CACNA1B: variants seen among roughly 807,000 people sequenced by gnomAD.
CACNA1B encodes calcium voltage-gated channel subunit alpha1 B.
Under a neutral mutation model 247.2 loss-of-function variants are expected in CACNA1B, and 70 were observed. That is an observed-to-expected ratio of 0.28 (90% confidence interval 0.23 to 0.35). The LOEUF (loss-of-function observed/expected upper bound fraction) is 0.35, where lower values mean the gene tolerates loss of function less well. Ranked by LOEUF, CACNA1B falls within the 10% of genes least tolerant of loss-of-function variation. The probability of loss-of-function intolerance (pLI) is 1.00; values close to 1 mark genes in which losing one functional copy is unlikely to be tolerated. For missense variants in CACNA1B, 2,367 were observed against 3,197.4 expected, an observed-to-expected ratio of 0.74 and a Z score of 6.26; for synonymous variants, 1,231 against 1,294.4, an observed-to-expected ratio of 0.95 and a Z score of 1.05.
At position 137,913,156 on chromosome 9, in the gene CACNA1B, CCTT is replaced by C. The variant is rs1316460270; in HGVS notation, c.531-18_531-16del. 2.5e-6 allele frequency: 4 copies of C among 1,600,262 alleles called. No individual in the cohort carries two copies. The highest frequency in any genetic ancestry group is 2.2e-5 in the East Asian group (1 of 44,800). ...GGCTCAATGTGGAAACCTTTACTTCCCTTCTTCTCCTTGTTTCTGCCAGGATCC... is the reference window on the plus strand; with the variant it reads ...GGCTCAATGTGGAAACCTTTACTTCCCTTCTCCTTGTTTCTGCCAGGATCC... On this transcript the variant is annotated intron_variant, in intron 3 of 46. Transcript: ENST00000371372. This position sits in a 1 kb window ranked among gnomAD's most constrained non-coding sequence, Gnocchi z 5.2.
chr9:138,056,477 G>A (rs1959503217), intron 26 of CACNA1B, among the ~76,000 whole-genome samples: 1 of 152,192 alleles, frequency 6.6e-6, no homozygotes, highest in African/African-American at 2.4e-5. Context: ...TTCATTTGCT[G>A]ATGAACATTG....
intron 13 of CACNA1B, among the ~76,000 whole-genome samples, chr9:137,985,675 G>A (rs147870536): frequency 6.6e-6 from 1 of 152,332 alleles, no homozygotes; most frequent in Non-Finnish European, 1.5e-5. Flanking sequence ...ACCAGTGTCT[G>A]TCTTGCAGTC....
intron 26 of CACNA1B, among the ~76,000 whole-genome samples, chr9:138,055,851 C>G (rs543883116): frequency 6.6e-6 from 1 of 152,016 alleles, no homozygotes; most frequent in South Asian, 2.1e-4. Flanking sequence ...ATAGTGAAAC[C>G]CTGTCTCTAC....
chr9:137,889,067 C>T (rs1369211959), intron 3 of CACNA1B, among the ~76,000 whole-genome samples: 1 of 150,440 alleles, frequency 6.6e-6, no homozygotes, highest in Non-Finnish European at 1.5e-5. Context: ...GGCGACCTGA[C>T]GCTGTGTCTG....
chr9:137,937,284 T>C (rs561364604), intron 6 of CACNA1B, among the ~76,000 whole-genome samples: 3 of 152,012 alleles, frequency 2.0e-5, no homozygotes, highest in Admixed American at 1.3e-4. Flanking sequence ...TAGAGAAATG[T>C]AAAATGCTCT....
chr9:138,114,326 C>T (rs1030149001), intron 40 of CACNA1B, 52 bp from the exon 41 acceptor site: 19 of 906,460 alleles, frequency 2.1e-5, no homozygotes, highest in Middle Eastern at 2.1e-4. Flanking sequence ...ACCTTGTTTC[C>T]GTGGATCCTC....
intron 40 of CACNA1B, among the ~76,000 whole-genome samples, chr9:138,114,061 T>A (rs1170537022): frequency 6.6e-6 from 1 of 152,196 alleles, no homozygotes; most frequent in African/African-American, 2.4e-5. Flanking sequence ...CAACTCCATC[T>A]TGCTTTCTGG....
In CACNA1B at chr9:138,121,397, T is replaced by C; in HGVS notation, c.6490-72T>C. 8.2e-7 allele frequency: 1 copy of C among 1,223,420 alleles called. No individual in the cohort carries two copies. The highest frequency in any genetic ancestry group is 1.1e-6 in the Non-Finnish European group (1 of 892,580). The allele number at this position is 1,223,420 out of a possible 1,614,324, so 75.8% of individuals were successfully genotyped here. On this transcript the variant is annotated intron_variant, in intron 46 of 46. Transcript: ENST00000371372. The surrounding 1 kb of genome is among the most constrained non-coding windows in gnomAD (Gnocchi z 6.8). ...TCCCCCCAGGCACCTGTGTGTGATGTGCTCTGTCTGTTGGTTCGGCTTTTT... is the reference window on the plus strand; with the variant it reads ...TCCCCCCAGGCACCTGTGTGTGATGCGCTCTGTCTGTTGGTTCGGCTTTTT...
In CACNA1B at chr9:138,059,881, G is replaced by T; in HGVS notation, c.4668+144G>T. 1 of 625,846 alleles carries T rather than the reference G, an allele frequency of 1.6e-6. No individual in the cohort carries two copies. The highest frequency in any genetic ancestry group is 1.8e-5 in the African/African-American group (1 of 54,590). The allele number at this position is 625,846 out of a possible 1,614,324, so 38.8% of individuals were successfully genotyped here. A position where few individuals can be genotyped will look rare whatever the true frequency, so the allele number is the denominator to read the frequency against. On this transcript the variant is annotated intron_variant, in intron 31 of 46. Transcript: ENST00000371372. The surrounding 1 kb of genome is among the most constrained non-coding windows in gnomAD (Gnocchi z 4.2). ...TGGACATGTGGAGGCTTCGCTCCAG[G>T]GGTGGAGTTTAGGGATTGGGTGTTA... is the stretch of plus-strand genomic sequence containing the variant.
chr9:138,035,141 A>G (rs1959027651), intron 20 of CACNA1B, among the ~76,000 whole-genome samples: 1 of 152,170 alleles, frequency 6.6e-6, no homozygotes, highest in Non-Finnish European at 1.5e-5. Flanking sequence ...TAGGCATTTC[A>G]TTATCTTATA....
At position 137,880,310 on chromosome 9, in the gene CACNA1B, A is replaced by G. The variant is rs139526794; in HGVS notation, c.390+1151A>G. Among the ~76,000 whole-genome samples, 686 of 152,286 alleles carry G rather than the reference A, an allele frequency of 4.5e-3. 2 individuals are homozygous for G. Among genetic ancestry groups the G allele is most frequent in the Middle Eastern group, 0.027 (8 of 294 alleles). On this transcript the variant is annotated intron_variant, in intron 2 of 46. Coordinates refer to ENST00000371372, the MANE Select transcript of CACNA1B (RefSeq NM_000718.4). The surrounding 1 kb of genome is among the most constrained non-coding windows in gnomAD (Gnocchi z 4.8). ...TTACGGCCGGGTGAGGAGGAGGAGC[A>G]TGGACAGCCCAGCCACACCATGAGG...
Position 137,877,871 on chromosome 9 carries a change from G to A in CACNA1B, c.-63G>A, listed in dbSNP as rs972079195. The A allele has an allele frequency of 1.3e-4, 121 of 908,920 alleles. No individual in the cohort carries two copies. The highest frequency in any genetic ancestry group is 1.6e-4 in the Non-Finnish European group (119 of 757,320). The allele number at this position is 908,920 out of a possible 1,614,324, so 56.3% of individuals were successfully genotyped here. A position where few individuals can be genotyped will look rare whatever the true frequency, so the allele number is the denominator to read the frequency against. On this transcript the variant is annotated 5_prime_UTR_variant, in exon 1 of 47. Transcript: ENST00000371372. ...GTGGCTGCTCCGCTCTGAGCGCCTG[G>A]CGCGCCCCGCGCCCTCCCTGCCGGG... is the stretch of plus-strand genomic sequence containing the variant.
intron 6 of CACNA1B, among the ~76,000 whole-genome samples, chr9:137,945,107 G>A (rs1470446771): frequency 6.6e-6 from 1 of 152,210 alleles, no homozygotes; most frequent in African/African-American, 2.4e-5. Context: ...GGATGGTGTT[G>A]TAATTAAGAC....
At chr9:137,909,374 T>C (rs1957335444) in intron 3 of CACNA1B, among the ~76,000 whole-genome samples, 1 of 152,208 alleles carries the variant, frequency 6.6e-6, no homozygotes, top group Non-Finnish European at 1.5e-5. Flanking sequence ...CCTTCAGCCT[T>C]GGCTTAGCGC....
chr9:137,908,422 A>G (rs1460223714), intron 3 of CACNA1B, among the ~76,000 whole-genome samples: 1 of 151,768 alleles, frequency 6.6e-6, no homozygotes, highest in Admixed American at 6.6e-5. Flanking sequence ...AGGCTGAGGC[A>G]GGAGAATCGC....
chr9:138,078,615 G>A lies in CACNA1B; in HGVS notation c.5094+357G>A, dbSNP rs80188877. ...AGCAGCTGGACTGGGTGGGGAGGTC[G>A]GCAGGGCAGGCCCCAGAGGTGTGGA... On this transcript the variant is annotated intron_variant, in intron 36 of 46. Transcript: ENST00000371372. 6.0e-3 allele frequency among the ~76,000 whole-genome samples: 916 copies of A among 152,268 alleles called. 9 individuals carry two copies. Among genetic ancestry groups the A allele is most frequent in the African/African-American group, 0.021 (870 of 41,556 alleles).
In CACNA1B at chr9:138,010,593, C is replaced by T. The variant is rs571824184; in HGVS notation, c.2160+516C>T. Among the ~76,000 whole-genome samples, 21 of 152,250 alleles carry T rather than the reference C, an allele frequency of 1.4e-4. No homozygotes were observed. Among genetic ancestry groups the T allele is most frequent in the Non-Finnish European group, 2.4e-4 (16 of 68,002 alleles). On this transcript the variant is annotated intron_variant, in intron 17 of 46. Transcript: ENST00000371372. This position sits in a 1 kb window ranked among gnomAD's most constrained non-coding sequence, Gnocchi z 5.3. Reference sequence around the variant, plus strand: ...TAGTGTGGCCACCTGCCATCTCAGTCGCAGGCTTGTGTGTTGACTCAAGCC... The same window carrying T: ...TAGTGTGGCCACCTGCCATCTCAGTTGCAGGCTTGTGTGTTGACTCAAGCC...
intron 10 of CACNA1B, among the ~76,000 whole-genome samples, chr9:137,969,127 T>G (rs1958115437): frequency 6.6e-6 from 1 of 152,208 alleles, no homozygotes; most frequent in South Asian, 2.1e-4. Context: ...TGCATCTGTC[T>G]TGGGTGCTGC....
chr9:138,062,706 C>G (rs573425303), intron 31 of CACNA1B, among the ~76,000 whole-genome samples: 1 of 152,302 alleles, frequency 6.6e-6, no homozygotes, highest in African/African-American at 2.4e-5. Flanking sequence ...GGAGGCTTTC[C>G]CAGGACTTTA....
Sources: gnomAD v4.1 joint callset for allele counts (sites outside exome capture counted in the v4.1 genomes callset) on GRCh38, gnomAD v4.1.1 for gene constraint, Gnocchi (gnomAD v3.1) non-coding constraint, MANE v1.5 for transcripts, NCBI Gene and HGNC (gene_info 2026-07-23, HGNC 2026-07-21) for gene names.